The following CAD variants were observed in gnomAD, a reference collection of about 807,000 sequenced individuals.
CAD encodes carbamoyl-phosphate synthetase 2, aspartate transcarbamylase, and dihydroorotase.
A neutral mutation model predicts 237.2 loss-of-function variants in CAD; 81 were observed. The observed-to-expected ratio is 0.34, with a 90% CI of 0.29 to 0.41. The LOEUF is 0.41. Among genes scored for constraint, CAD ranks in the 10% least tolerant of loss-of-function variants. The probability of loss-of-function intolerance (pLI) is 1.00; values close to 1 mark genes in which losing one functional copy is unlikely to be tolerated. For synonymous variants in CAD, 1,196 were observed against 1,162.8 expected (o/e 1.03, Z -0.58); for missense variants, 2,181 against 2,951.7 (o/e 0.74, Z 6.05).
intron 2 of CAD, 129 bp from the exon 3 acceptor site, chr2:27,221,089 C>A: frequency 1.6e-6 from 1 of 624,754 alleles, no homozygotes; most frequent in Admixed American, 3.6e-5. Context: ...TATGCAAAAG[C>A]ACCAAAAGTT....
intron 2 of CAD, 112 bp from the exon 3 acceptor site, chr2:27,221,106 A>G: frequency 2.4e-6 from 2 of 850,310 alleles, no homozygotes. Flanking sequence ...AGTTTGGTAT[A>G]TTGAAGGCCA....
rs930356356 is a variant in CAD at position 27,236,731 on chromosome 2, A to G, written c.4315-18A>G. ...CAGGATCACCCTTCCCTTAAAGCTG[A>G]CTGCTTTCCACTTGCAGGCCCTAGG... On this transcript the variant is annotated intron_variant, in intron 26 of 43. Coordinates refer to ENST00000264705, the MANE Select transcript of CAD (RefSeq NM_004341.5). This position sits in a 1 kb window ranked among gnomAD's most constrained non-coding sequence, Gnocchi z 4.1. 1 of 1,612,240 alleles carries G rather than the reference A, an allele frequency of 6.2e-7. No homozygotes were observed. Among genetic ancestry groups the G allele is most frequent in the Non-Finnish European group, 8.5e-7 (1 of 1,178,326 alleles).
chr2:27,217,609 G>A lies in CAD; in HGVS notation c.58G>A (p.Ala20Thr). 1.2e-6 allele frequency: 2 copies of A among 1,607,372 alleles called. No individual in the cohort carries two copies. The highest frequency in any genetic ancestry group is 1.7e-6 in the Non-Finnish European group (2 of 1,177,280). Residue 20 changes from alanine to threonine, a missense_variant, in exon 1 of 44, where the codon GCC becomes ACC. This residue lies in a region of CAD where 314 missense variants were observed against 339.4 expected (regional missense o/e 0.93). Coordinates refer to ENST00000264705, the MANE Select transcript of CAD (RefSeq NM_004341.5). ...CCTGCGGGGCCAGCCCTTTGGGGCC[G>A]CCGTGTCGACTGCCGGGGAAGTGGG... ...SVLRGQPFGA[A>T]VSTAGEVVFQ... is the part of the protein sequence containing the mutation.
intron 15 of CAD, among the ~76,000 whole-genome samples, chr2:27,231,257 C>T (rs570592547): frequency 6.6e-6 from 1 of 152,374 alleles, no homozygotes; most frequent in East Asian, 1.9e-4. Flanking sequence ...CCTTCCGCCT[C>T]AGCCTCCCAA....
chr2:27,243,546 T>G lies in CAD; in HGVS notation c.*28T>G. 1 of 1,529,458 alleles carries G rather than the reference T, an allele frequency of 6.5e-7. No homozygotes were observed. The highest frequency in any genetic ancestry group is 1.4e-5 in the African/African-American group (1 of 73,516). 94.7% of individuals were successfully genotyped at this position (1,529,458 alleles called of 1,614,324 possible). On this transcript the variant is annotated 3_prime_UTR_variant, in exon 44 of 44. Coordinates refer to ENST00000264705, the MANE Select transcript of CAD (RefSeq NM_004341.5). ...CCTGGCTTCCTCAGCCTCTTCTCTT[T>G]AGGCCCAGCTGCTGGGCAAGGAATT...
rs1418790148 is a variant in CAD, at chr2:27,239,148, C to T, written c.5169C>T (p.Leu1723=). Residue 1723 remains leucine, a synonymous_variant, in exon 32 of 44, where the codon CTC becomes CTT. Coordinates refer to ENST00000264705, the MANE Select transcript of CAD (RefSeq NM_004341.5). This position sits in a 1 kb window ranked among gnomAD's most constrained non-coding sequence, Gnocchi z 4.0. ...TGACGGCTGTAAGCGAGGGCCGGCT[C>T]AGCCTGGACGACCTGCTGCAGCGAT... ...LLLTAVSEGR[L]SLDDLLQRLH... 1.9e-6 allele frequency: 3 copies of T among 1,613,498 alleles called. No homozygotes were observed. Among genetic ancestry groups the T allele is most frequent in the African/African-American group, 2.7e-5 (2 of 74,920 alleles).
At chr2:27,226,056 C>A in intron 12 of CAD, 75 bp from the exon 13 acceptor site, 1 of 1,503,234 alleles carries the variant, frequency 6.7e-7, no homozygotes, top group Non-Finnish European at 9.2e-7. Flanking sequence ...CCAGAGGTAA[C>A]AGGACCCTGG....
chr2:27,226,207 T>C lies in CAD; in HGVS notation c.1919T>C (p.Leu640Pro). Residue 640 changes from leucine (L) to proline (P), a missense_variant, in exon 13 of 44, where the codon CTG (leucine) becomes CCG (proline). Coordinates refer to ENST00000264705, the MANE Select transcript of CAD (RefSeq NM_004341.5). ...ATAGTGGTGGCCCCTAGCCAGACACTGAATGACAGGGAGTATCAGCTCCTG... is the reference window on the plus strand; with the variant it reads ...ATAGTGGTGGCCCCTAGCCAGACACCGAATGACAGGGAGTATCAGCTCCTG... Reference protein sequence around the residue: ...ESIVVAPSQTLNDREYQLLRQ... With the variant: ...ESIVVAPSQTPNDREYQLLRQ... The C allele has an allele frequency of 2.5e-6, 4 of 1,614,130 alleles. No homozygotes were observed. Among genetic ancestry groups the C allele is most frequent in the Non-Finnish European group, 3.4e-6 (4 of 1,179,962 alleles).
At chr2:27,238,734 A>AGGGT in intron 31 of CAD, 102 bp downstream of exon 31, 1 of 1,124,768 alleles carries the variant, frequency 8.9e-7, no homozygotes, top group East Asian at 2.4e-5. Context: ...CTACTAGGAC[A>AGGGT]GGGTCTTGAT....
Position 27,238,290 on chromosome 2 carries a change from G to T in CAD, c.4860+103G>T, listed in dbSNP as rs958803573. 4.0e-6 allele frequency: 6 copies of T among 1,491,904 alleles called. No homozygotes were observed. In the African/African-American group the frequency reaches 8.3e-5, roughly 21 times the overall value. The allele number at this position is 1,491,904 out of a possible 1,614,324, so 92.4% of individuals were successfully genotyped here. A position where few individuals can be genotyped will look rare whatever the true frequency, so the allele number is the denominator to read the frequency against. On this transcript the variant is annotated intron_variant, in intron 30 of 43. Transcript: ENST00000264705. Reference sequence around the variant, plus strand: ...GGAGACAGCAGGAGGAGAGTCTGGAGACAGCAGGAGGAGGGTCTCGAGCCA... The same window carrying T: ...GGAGACAGCAGGAGGAGAGTCTGGATACAGCAGGAGGAGGGTCTCGAGCCA...
At chr2:27,227,061 G>A (rs770608597) in intron 15 of CAD, 99 bp downstream of exon 15, 85 of 1,014,572 alleles carry the variant, frequency 8.4e-5, no homozygotes, top group Admixed American at 1.9e-4. Flanking sequence ...TCCTATGGGA[G>A]CAGGTGCTTG....
In CAD at chr2:27,232,911, C is replaced by T; in HGVS notation, c.2893-131C>T. 1.2e-6 allele frequency: 1 copy of T among 800,540 alleles called. No individual in the cohort carries two copies. The highest frequency in any genetic ancestry group is 2.1e-6 in the Non-Finnish European group (1 of 472,308). The allele number at this position is 800,540 out of a possible 1,614,324, so 49.6% of individuals were successfully genotyped here. A position where few individuals can be genotyped will look rare whatever the true frequency, so the allele number is the denominator to read the frequency against. The stretch of plus-strand genomic sequence containing the variant: ...CTCCTTCCCTCCCAAGGCAGGGGTC[C>T]TGTACAGCTCTTTCAGAGGAAGCTG... On this transcript the variant is annotated intron_variant, in intron 18 of 43. Coordinates refer to ENST00000264705, the MANE Select transcript of CAD (RefSeq NM_004341.5). The surrounding 1 kb of genome is among the most constrained non-coding windows in gnomAD (Gnocchi z 4.1).
rs1348158550 is a variant in CAD, at chr2:27,233,431, C to T, written c.3111C>T (p.Thr1037=). The change falls in exon 20 of 44, where the codon ACC becomes ACT. Residue 1037 remains threonine, a synonymous_variant. Coordinates refer to ENST00000264705, the MANE Select transcript of CAD (RefSeq NM_004341.5). The surrounding 1 kb of genome is among the most constrained non-coding windows in gnomAD (Gnocchi z 6.3). ...LHRQQCRVLG[T]SPEAIDSAEN... ...GGCAGCAGTGCCGGGTGCTGGGCACCTCCCCTGAAGCCATTGACTCGGCTG... is the reference window on the plus strand; with the variant it reads ...GGCAGCAGTGCCGGGTGCTGGGCACTTCCCCTGAAGCCATTGACTCGGCTG... 2 of 1,614,238 alleles carry T rather than the reference C, an allele frequency of 1.2e-6. No individual in the cohort carries two copies. The highest frequency in any genetic ancestry group is 1.7e-6 in the Non-Finnish European group (2 of 1,180,052).
chr2:27,219,549 TGCCCAG>T (rs1675052440), intron 2 of CAD, among the ~76,000 whole-genome samples: 1 of 152,124 alleles, frequency 6.6e-6, no homozygotes, highest in South Asian at 2.1e-4. Flanking sequence ...ATTGTCACAT[TGCCCAG>T]GCTTGTATGT....
chr2:27,233,184 C>G lies in CAD; in HGVS notation c.2991+44C>G. The G allele has an allele frequency of 6.6e-7, 1 of 1,510,970 alleles. No individual in the cohort carries two copies. The allele number at this position is 1,510,970 out of a possible 1,614,324, so 93.6% of individuals were successfully genotyped here. ...TCCTGGTAGCTTGAGTGGCCAGGGT[C>G]GAGTAGAACAGCTGGCTGACCTAAG... On this transcript the variant is annotated intron_variant, in intron 19 of 43. Coordinates refer to ENST00000264705, the MANE Select transcript of CAD (RefSeq NM_004341.5). The surrounding 1 kb of genome is among the most constrained non-coding windows in gnomAD (Gnocchi z 6.3).
Position 27,222,914 on chromosome 2 carries a change from A to G in CAD, c.686A>G (p.Tyr229Cys), listed in dbSNP as rs542805154. 1.0e-4 allele frequency: 163 copies of G among 1,614,048 alleles called. 1 individual carries two copies. The Admixed American group carries it at 2.6e-3, about 25-fold the overall frequency. Residue 229 changes from tyrosine (Y) to cysteine (C), a missense_variant, in exon 6 of 44, where the codon TAT becomes TGT. By Grantham distance (194) the Tyr-to-Cys change is radical. This residue lies in a region of CAD where 314 missense variants were observed against 339.4 expected (regional missense o/e 0.93). Coordinates refer to ENST00000264705, the MANE Select transcript of CAD (RefSeq NM_004341.5). ...AATGGGCCTGGTGACCCTGCCTCCT[A>G]TCCCAGTGTCGTATCCACACTGAGC... ...LSNGPGDPAS[Y>C]PSVVSTLSRV...
chr2:27,230,001 G>T (rs1208687926), intron 15 of CAD, among the ~76,000 whole-genome samples: 1 of 152,084 alleles, frequency 6.6e-6, no homozygotes, highest in African/African-American at 2.4e-5. Flanking sequence ...ACTTTGGGAG[G>T]CCGAGGCAGG....
Position 27,241,767 on chromosome 2 carries a change from G to A in CAD, c.5884-144G>A, listed in dbSNP as rs1676329705. 6.1e-6 allele frequency: 4 copies of A among 652,634 alleles called. No individual in the cohort carries two copies. Among genetic ancestry groups the A allele is most frequent in the South Asian group, 5.6e-5 (3 of 53,142 alleles). The allele number at this position is 652,634 out of a possible 1,614,324, so 40.4% of individuals were successfully genotyped here. ...GTGACACCAGTGGTGGAAACGTCAA[G>A]GCTCTGACAGGTCACAGGGGAGGTT... On this transcript the variant is annotated intron_variant, in intron 38 of 43. Coordinates refer to ENST00000264705, the MANE Select transcript of CAD (RefSeq NM_004341.5). This position sits in a 1 kb window ranked among gnomAD's most constrained non-coding sequence, Gnocchi z 4.6.
In CAD at chr2:27,233,304, C is replaced by A; in HGVS notation, c.2992-8C>A. The stretch of plus-strand genomic sequence containing the variant: ...CTGCCACCACTTGTTTCTCCCCCTG[C>A]AACGTAGGTGGTGATGGACATCTAT... On this transcript the variant is annotated splice_region_variant and splice_polypyrimidine_tract_variant and intron_variant, in intron 19 of 43. Coordinates refer to ENST00000264705, the MANE Select transcript of CAD (RefSeq NM_004341.5). This position sits in a 1 kb window ranked among gnomAD's most constrained non-coding sequence, Gnocchi z 6.3. The A allele has an allele frequency of 6.2e-7, 1 of 1,611,262 alleles. No individual in the cohort carries two copies. Among genetic ancestry groups the A allele is most frequent in the Non-Finnish European group, 8.5e-7 (1 of 1,177,428 alleles).
Sources: gnomAD v4.1 joint callset for allele counts (sites outside exome capture counted in the v4.1 genomes callset) on GRCh38, gnomAD v4.1.1 for gene constraint, gnomAD v4.1.1 regional missense constraint, Gnocchi (gnomAD v3.1) non-coding constraint, MANE v1.5 for transcripts, NCBI Gene and HGNC (gene_info 2026-07-23, HGNC 2026-07-21) for gene names.